The following ATP7B variants were observed in gnomAD, a reference collection of about 807,000 sequenced individuals.
ATP7B encodes the protein ATPase copper transporting beta.
Under a neutral mutation model 118.9 loss-of-function variants are expected in ATP7B, and 113 were observed. The observed-to-expected ratio is 0.95, with a 90% CI of 0.82 to 1.11. The LOEUF is 1.11. Among genes scored for constraint, ATP7B ranks in the 50% most tolerant of loss-of-function variants. The probability of loss-of-function intolerance (pLI) is 0.00; values close to 1 mark genes in which losing one functional copy is unlikely to be tolerated. For synonymous variants in ATP7B, 777 were observed against 727.4 expected (o/e 1.07, Z -1.10); for missense variants, 1,867 against 1,871.4 (o/e 1.00, Z 0.04).
rs1321524828 is a variant in ATP7B at position 51,934,447 on chromosome 13, C to T, written c.*309G>A. 2 of 441,910 alleles carry T rather than the reference C, an allele frequency of 4.5e-6. No homozygotes were observed. The highest frequency in any genetic ancestry group is 2.0e-5 in the African/African-American group (1 of 50,130). 27.4% of individuals were successfully genotyped at this position (441,910 alleles called of 1,614,324 possible). On this transcript the variant is annotated 3_prime_UTR_variant, in exon 21 of 21. Transcript: ENST00000242839. ...TTCACAGCAGTCATCCTAAATACTC[C>T]AAGCAGAGGTCTGTGAGGAGGGTGA...
Position 52,011,314 on chromosome 13 carries a change from G to T in ATP7B, c.24C>A (p.Ile8=). The T allele has an allele frequency of 1.2e-6, 2 of 1,614,228 alleles. No homozygotes were observed. Among genetic ancestry groups the T allele is most frequent in the East Asian group, 4.5e-5 (2 of 44,884 alleles). The change falls in exon 1 of 21, where the codon ATC becomes ATA. Residue 8 remains isoleucine (I), a synonymous_variant. Transcript: ENST00000242839. MPEQERQ[I]TAREGASRKI... is the part of the protein sequence containing the mutation. Reference sequence around the variant, plus strand: ...TCCGACTGGCCCCTTCTCTGGCTGTGATCTGTCTCTCCTGCTCAGGCATCG... The same window carrying T: ...TCCGACTGGCCCCTTCTCTGGCTGTTATCTGTCTCTCCTGCTCAGGCATCG...
chr13:52,001,741 T>C (rs543883587), intron 1 of ATP7B, among the ~76,000 whole-genome samples: 43 of 152,308 alleles, frequency 2.8e-4, no homozygotes, highest in African/African-American at 9.9e-4. Context: ...TTACTCTTTT[T>C]AACAACTATC....
At chr13:51,975,665 C>T in intron 1 of ATP7B, 1 of 455,446 alleles carries the variant, frequency 2.2e-6, no homozygotes, top group Non-Finnish European at 4.4e-6. Context: ...ATATCTCTTT[C>T]TAGGGGTGTC....
chr13:51,935,149 A>G lies in ATP7B; in HGVS notation c.4125-120T>C, dbSNP rs368660743. On this transcript the variant is annotated intron_variant, in intron 20 of 20. Coordinates refer to ENST00000242839, the MANE Select transcript of ATP7B (RefSeq NM_000053.4). ...TAACATTCAGTATCAAAACCTCAAG[A>G]GTTTCCAAGGAAAAGGACATTAAAC... The G allele has an allele frequency of 2.2e-5, 30 of 1,379,216 alleles. No homozygotes were observed. In the African/African-American group the frequency reaches 2.2e-4, roughly 10 times the overall value. 85.4% of individuals were successfully genotyped at this position (1,379,216 alleles called of 1,614,324 possible). A position where few individuals can be genotyped will look rare whatever the true frequency, so the allele number is the denominator to read the frequency against.
chr13:51,957,209 T>C (rs1484083308), intron 9 of ATP7B, among the ~76,000 whole-genome samples: 4 of 152,218 alleles, frequency 2.6e-5, no homozygotes, highest in Admixed American at 2.6e-4. Context: ...TAGGAAGGCC[T>C]AATTCATACT....
chr13:51,944,749 G>A (rs1251269107), intron 13 of ATP7B, among the ~76,000 whole-genome samples: 2 of 152,202 alleles, frequency 1.3e-5, no homozygotes, highest in African/African-American at 4.8e-5. Context: ...CTGAGTTCAA[G>A]AAAGGAAAGG....
At chr13:51,993,761 T>G (rs939577826) in intron 1 of ATP7B, among the ~76,000 whole-genome samples, 4 of 152,180 alleles carry the variant, frequency 2.6e-5, no homozygotes, top group African/African-American at 9.7e-5. Context: ...ATCTACAAAG[T>G]GCTTTCACAA....
chr13:51,955,299 A>G (rs1037108804), intron 9 of ATP7B, among the ~76,000 whole-genome samples: 7 of 152,198 alleles, frequency 4.6e-5, no homozygotes, highest in Non-Finnish European at 1.0e-4. Flanking sequence ...GGAGGCCTAG[A>G]CTGCGGCAAT....
intron 1 of ATP7B, among the ~76,000 whole-genome samples, chr13:51,994,287 C>T (rs1309015975): frequency 6.6e-6 from 1 of 152,164 alleles, no homozygotes; most frequent in Non-Finnish European, 1.5e-5. Context: ...TATAAAACTA[C>T]TTTAGAAAAC....
At chr13:51,984,562 G>A (rs1174843438) in intron 1 of ATP7B, among the ~76,000 whole-genome samples, 3 of 152,066 alleles carry the variant, frequency 2.0e-5, no homozygotes, top group Non-Finnish European at 4.4e-5. Flanking sequence ...GAAATACAGA[G>A]AACACAACAA....
intron 1 of ATP7B, among the ~76,000 whole-genome samples, chr13:52,006,761 A>T (rs1953791245): frequency 1.3e-5 from 2 of 152,146 alleles, no homozygotes; most frequent in Non-Finnish European, 2.9e-5. Context: ...TTCCATTTCC[A>T]GTCCTCTGGA....
chr13:51,935,814 T>C, intron 19 of ATP7B, 119 bp from the exon 20 acceptor site: 2 of 832,366 alleles, frequency 2.4e-6, no homozygotes, highest in Non-Finnish European at 3.7e-6. Flanking sequence ...CCTGGCGTGC[T>C]CAGAAGCCCC....
intron 7 of ATP7B, 99 bp downstream of exon 7, chr13:51,960,049 A>T: frequency 6.8e-7 from 1 of 1,475,910 alleles, no homozygotes; most frequent in Non-Finnish European, 9.5e-7. Context: ...AGTGCCATTT[A>T]AACCAAGCTA....
At chr13:51,979,588 AAAGAAAAACT>A (rs1438485626) in intron 1 of ATP7B, among the ~76,000 whole-genome samples, 1 of 152,230 alleles carries the variant, frequency 6.6e-6, no homozygotes, top group East Asian at 1.9e-4. Flanking sequence ...ACCAAGGATA[AAAGAAAAACT>A]AAGAAGATAT....
At chr13:51,959,930 C>T in intron 7 of ATP7B, 1 of 591,518 alleles carries the variant, frequency 1.7e-6, no homozygotes, top group Non-Finnish European at 3.0e-6. Context: ...ACAGTGAAAC[C>T]AGGCCCTTAG....
chr13:51,935,484 T>C, intron 20 of ATP7B, 109 bp downstream of exon 20: 2 of 1,220,088 alleles, frequency 1.6e-6, no homozygotes, highest in Non-Finnish European at 2.4e-6. Flanking sequence ...GCAGCATTTG[T>C]CCCAGGTGAA....
At position 51,946,452 on chromosome 13, in the gene ATP7B, T is replaced by C. The variant is rs771625017; in HGVS notation, c.2892A>G (p.Thr964=). The change falls in exon 13 of 21, where the codon ACA becomes ACG. Residue 964 remains threonine, a synonymous_variant. Transcript: ENST00000242839. ...FPNPNKHISQ[T]EVIIRFAFQT... is the part of the protein sequence containing the mutation. ...GGAAAGCAAACCGGATGATCACCTC[T>C]GTCTGGGAGATGTGCTTGTTGGGGT... 1.9e-6 allele frequency: 3 copies of C among 1,614,112 alleles called. No individual in the cohort carries two copies. Among genetic ancestry groups the C allele is most frequent in the Non-Finnish European group, 2.5e-6 (3 of 1,180,046 alleles).
chr13:51,962,502 GA>G (rs1566550067), intron 5 of ATP7B, among the ~76,000 whole-genome samples: 1 of 152,174 alleles, frequency 6.6e-6, no homozygotes. Flanking sequence ...ATACACACAG[GA>G]AAAACTGCCA....
At chr13:52,008,258 T>C (rs1406165852) in intron 1 of ATP7B, among the ~76,000 whole-genome samples, 2 of 152,228 alleles carry the variant, frequency 1.3e-5, no homozygotes, top group Non-Finnish European at 2.9e-5. Context: ...GAGAATCACT[T>C]GAGCCCGGGA....
Sources: gnomAD v4.1 joint callset for allele counts (sites outside exome capture counted in the v4.1 genomes callset) on GRCh38, gnomAD v4.1.1 for gene constraint, MANE v1.5 for transcripts, NCBI Gene and HGNC (gene_info 2026-07-23, HGNC 2026-07-21) for gene names.